Variants in KANK1 observed in about 807,000 individuals in gnomAD.
KANK1 encodes the protein KN motif and ankyrin repeat domain-containing protein 1.
KANK1 carries 109 observed loss-of-function variants against 106.2 expected under a neutral mutation model. The ratio of observed to expected loss-of-function variants is 1.03; its 90% confidence interval spans 0.88 to 1.20. KANK1 has a LOEUF of 1.20. KANK1 is among the 50% of genes most tolerant of loss of function. The probability of loss-of-function intolerance (pLI) is 0.00; values close to 1 mark genes in which losing one functional copy is unlikely to be tolerated. For synonymous variants in KANK1, 873 were observed against 652.2 expected, an observed-to-expected ratio of 1.34 and a Z score of -5.16; for missense variants, 2,399 against 1,710.7, an observed-to-expected ratio of 1.40 and a Z score of -7.10.
At chr9:715,529 C>T (rs1409574850) in intron 3 of KANK1, among the ~76,000 whole-genome samples, 3 of 152,170 alleles carry the variant, frequency 2.0e-5, no homozygotes, top group African/African-American at 4.8e-5. Context: ...GGAGCAAGTT[C>T]GGTCTGGCTG....
Position 603,139 on chromosome 9 carries a change from G to A in KANK1, c.-83-73751G>A, listed in dbSNP as rs7047192. On this transcript the variant is annotated intron_variant, in intron 1 of 11. Transcript: ENST00000382297. Reference sequence around the variant, plus strand: ...AGATTTATATCAGGATTTGAAAGATGAATCTTTTTCAAGGATGTTTTTCCT... The same window carrying A: ...AGATTTATATCAGGATTTGAAAGATAAATCTTTTTCAAGGATGTTTTTCCT... 2.9e-3 allele frequency among the ~76,000 whole-genome samples: 434 copies of A among 151,924 alleles called. 23 individuals are homozygous for A. Among genetic ancestry groups the A allele is most frequent in the African/African-American group, 0.01 (432 of 41,224 alleles).
intron 1 of KANK1, chr9:659,996 T>C: frequency 3.6e-6 from 1 of 278,934 alleles, no homozygotes; most frequent in Non-Finnish European, 7.3e-6. Context: ...ATGTCCACAG[T>C]CCAGAACCTC....
chr9:712,178 G>A lies in KANK1; in HGVS notation c.1412G>A (p.Arg471His), dbSNP rs144629161. Reference sequence around the variant, plus strand: ...GAATCCTTGAAGGAAAAGATCTATCGCCTAGAAGTACAGCTTAGAGAAACC... The same window carrying A: ...GAATCCTTGAAGGAAAAGATCTATCACCTAGAAGTACAGCTTAGAGAAACC... ...TIESLKEKIY[R>H]LEVQLRETTH... Residue 471 changes from arginine to histidine, a missense_variant, in exon 3 of 12, where the codon CGC becomes CAC. Coordinates refer to ENST00000382297, the MANE Select transcript of KANK1 (RefSeq NM_015158.5). 68 of 1,614,082 alleles carry A rather than the reference G, an allele frequency of 4.2e-5. No individual in the cohort carries two copies. Among genetic ancestry groups the A allele is most frequent in the African/African-American group, 2.0e-4 (15 of 75,044 alleles).
chr9:620,478 C>T (rs981911833), intron 1 of KANK1, among the ~76,000 whole-genome samples: 7 of 151,944 alleles, frequency 4.6e-5, no homozygotes, highest in South Asian at 2.1e-4. Context: ...TTTCGGCTCA[C>T]GGCAACCTAC....
chr9:711,300 G>A lies in KANK1; in HGVS notation c.534G>A (p.Glu178=), dbSNP rs769605906. 7 of 1,614,162 alleles carry A rather than the reference G, an allele frequency of 4.3e-6. No homozygotes were observed. In the Admixed American group the frequency reaches 1.0e-4, roughly 23 times the overall value. The change falls in exon 3 of 12, where the codon GAG becomes GAA. Residue 178 remains glutamate (E), a synonymous_variant. Coordinates refer to ENST00000382297, the MANE Select transcript of KANK1 (RefSeq NM_015158.5). ...CCACCATGCAGATGACACCGGGTGA[G>A]TTCAGAAGGCCCAGGCTGGCCAGTT... ...ERATMQMTPG[E]FRRPRLASFG...
At chr9:627,056 A>G (rs1037936757) in intron 1 of KANK1, among the ~76,000 whole-genome samples, 9 of 109,034 alleles carry the variant, frequency 8.3e-5, no homozygotes, top group African/African-American at 2.7e-4. Context: ...TCCAAGGGGG[A>G]AAAAAAGGTG....
intron 1 of KANK1, among the ~76,000 whole-genome samples, chr9:578,384 T>A (rs1392150598): frequency 6.6e-6 from 1 of 151,782 alleles, no homozygotes; most frequent in Admixed American, 6.6e-5. Context: ...GGGTAAAAAA[T>A]GAAATATATT....
rs140304263 is a variant in KANK1 at position 723,099 on chromosome 9, A to G, written c.2699-6952A>G. 1.2e-4 allele frequency among the ~76,000 whole-genome samples: 18 copies of G among 152,204 alleles called. 1 individual carries two copies. The highest frequency in any genetic ancestry group is 8.5e-4 in the Admixed American group (13 of 15,286). On this transcript the variant is annotated intron_variant, in intron 3 of 11. Coordinates refer to ENST00000382297, the MANE Select transcript of KANK1 (RefSeq NM_015158.5). ...AATTTCCAGACCTGTAGGATGATCT[A>G]ATTACTCCCTACTCACAGAGTTGGA...
chr9:574,879 A>G (rs1396370211), intron 1 of KANK1, among the ~76,000 whole-genome samples: 1 of 151,844 alleles, frequency 6.6e-6, no homozygotes, highest in Non-Finnish European at 1.5e-5. Flanking sequence ...AAGAAAAAAA[A>G]TATTTTTTCT....
chr9:498,527 TATATC>T (rs766794259), intron 3 of KANK1, among the ~76,000 whole-genome samples: 11 of 152,212 alleles, frequency 7.2e-5, no homozygotes, highest in Non-Finnish European at 1.6e-4. Context: ...TTTTAAATCA[TATATC>T]AGATAAAGAC....
At chr9:670,832 T>G (rs1351321163) in intron 1 of KANK1, among the ~76,000 whole-genome samples, 1 of 152,078 alleles carries the variant, frequency 6.6e-6, no homozygotes, top group Non-Finnish European at 1.5e-5. Flanking sequence ...CAACTTAATC[T>G]CACTTTTTCC....
chr9:491,773 C>G (rs538119102), intron 3 of KANK1, among the ~76,000 whole-genome samples: 1 of 152,170 alleles, frequency 6.6e-6, no homozygotes, highest in Non-Finnish European at 1.5e-5. Flanking sequence ...TCCCACATTT[C>G]GTGGAAGGAA....
At chr9:735,476 TTCTCATGTGTCGAAG>T (rs1224639185) in intron 7 of KANK1, among the ~76,000 whole-genome samples, 2 of 152,180 alleles carry the variant, frequency 1.3e-5, no homozygotes, top group African/African-American at 4.8e-5. Context: ...GAATGACATA[TTCTCATGTGTCGAAG>T]TTATGTGCAC....
intron 1 of KANK1, among the ~76,000 whole-genome samples, chr9:618,102 G>A (rs542807261): frequency 6.6e-6 from 1 of 152,236 alleles, no homozygotes; most frequent in Admixed American, 6.5e-5. Flanking sequence ...GCTTCCTTTA[G>A]GTAAGGAAAA....
intron 1 of KANK1, among the ~76,000 whole-genome samples, chr9:631,827 G>A (rs1408716469): frequency 6.6e-6 from 1 of 152,192 alleles, no homozygotes; most frequent in Admixed American, 6.5e-5. Flanking sequence ...CCCCTTTGGG[G>A]CCAATTTAGT....
chr9:719,819 C>T (rs1471940854), intron 3 of KANK1, among the ~76,000 whole-genome samples: 4 of 152,096 alleles, frequency 2.6e-5, no homozygotes, highest in African/African-American at 7.2e-5. Flanking sequence ...GATCCGGGCT[C>T]ACGCCACTGC....
chr9:562,345 C>T (rs1816718190), intron 1 of KANK1, among the ~76,000 whole-genome samples: 1 of 152,168 alleles, frequency 6.6e-6, no homozygotes, highest in African/African-American at 2.4e-5. Flanking sequence ...AGCCACCGCG[C>T]CCGGCCCAAG....
intron 1 of KANK1, among the ~76,000 whole-genome samples, chr9:540,216 A>T (rs1160950439): frequency 1.3e-5 from 2 of 152,132 alleles, no homozygotes; most frequent in Non-Finnish European, 2.9e-5. Context: ...CTTTATACCT[A>T]ATCTGTTGAG....
intron 1 of KANK1, among the ~76,000 whole-genome samples, chr9:662,408 G>A (rs191922703): frequency 3.3e-5 from 5 of 152,194 alleles, no homozygotes; most frequent in South Asian, 2.1e-4. Flanking sequence ...GAGGCATCAC[G>A]CTACCTGACT....
Sources: gnomAD v4.1 joint callset for allele counts (sites outside exome capture counted in the v4.1 genomes callset) on GRCh38, gnomAD v4.1.1 for gene constraint, MANE v1.5 for transcripts, NCBI Gene and HGNC (gene_info 2026-07-23, HGNC 2026-07-21) for gene names.